Variants in MTFR2 observed in about 807,000 individuals in gnomAD.
MTFR2 encodes the protein DUF729 domain-containing protein 1.
A neutral mutation model predicts 41.2 loss-of-function variants in MTFR2; 44 were observed. The observed-to-expected ratio is 1.07, with a 90% CI of 0.84 to 1.37. The LOEUF (loss-of-function observed/expected upper bound fraction) is 1.37. MTFR2 is among the 40% of genes most tolerant of loss of function. The probability of loss-of-function intolerance (pLI) is 0.00; values close to 1 mark genes in which losing one functional copy is unlikely to be tolerated. For synonymous variants in MTFR2, 141 were observed against 154.6 expected, an observed-to-expected ratio of 0.91 and a Z score of 0.65; for missense variants, 452 against 459.5, an observed-to-expected ratio of 0.98 and a Z score of 0.15.
chr6:136,242,773 CA>C (rs1303407639), intron 4 of MTFR2, 87 bp downstream of exon 4: 60 of 981,336 alleles, frequency 6.1e-5, no homozygotes, highest in Non-Finnish European at 8.2e-5. Context: ...ATAAACAAAA[CA>C]AAAAAGCTCA....
At chr6:136,237,639 G>GTC (rs143217398) in intron 6 of MTFR2, among the ~76,000 whole-genome samples, 7,912 of 151,930 alleles carry the variant, frequency 0.052, 682 homozygotes, top group African/African-American at 0.18. Flanking sequence ...GTGAAACCCT[G>GTC]TCTCTACTAA....
chr6:136,242,197 A>C, intron 4 of MTFR2, among the ~76,000 whole-genome samples: 1 of 152,172 alleles, frequency 6.6e-6, no homozygotes, highest in East Asian at 1.9e-4. Context: ...CAATATAAAC[A>C]GAACATAGCC....
intron 3 of MTFR2, among the ~76,000 whole-genome samples, chr6:136,243,889 GC>G (rs918876569): frequency 1.3e-5 from 2 of 151,992 alleles, no homozygotes; most frequent in African/African-American, 4.8e-5. Context: ...TGATGATTCT[GC>G]CCTGGGTAGG....
intron 3 of MTFR2, 139 bp downstream of exon 3, chr6:136,244,626 T>C (rs1468308366): frequency 1.6e-6 from 1 of 621,170 alleles, no homozygotes; most frequent in African/African-American, 1.9e-5. Flanking sequence ...ATATATGAAA[T>C]GGCTTGTTCC....
intron 5 of MTFR2, among the ~76,000 whole-genome samples, chr6:136,240,844 C>A (rs1269313105): frequency 1.3e-5 from 2 of 152,216 alleles, no homozygotes; most frequent in Non-Finnish European, 2.9e-5. Context: ...GTAATCCCAG[C>A]ACTTTGGGAG....
At chr6:136,234,572 G>A (rs902428771) in intron 6 of MTFR2, among the ~76,000 whole-genome samples, 2 of 152,164 alleles carry the variant, frequency 1.3e-5, no homozygotes, top group Admixed American at 6.5e-5. Context: ...GGAGCTCAGC[G>A]AGAGAAGTGA....
At chr6:136,241,738 ACT>A in intron 4 of MTFR2, 62 bp from the exon 5 acceptor site, 1 of 1,200,576 alleles carries the variant, frequency 8.3e-7, no homozygotes. Flanking sequence ...AGAGGTATAA[ACT>A]CTTACACTCC....
Position 136,249,152 on chromosome 6 carries a change from G to T in MTFR2, c.-53C>A. 1 of 1,460,648 alleles carries T rather than the reference G, an allele frequency of 6.8e-7. No individual in the cohort carries two copies. 90.5% of individuals were successfully genotyped at this position (1,460,648 alleles called of 1,614,324 possible). ...AAAGGAACATTATCAGTTTCTTGGTGCCTTTGGGGAAAATTTTAGAAAATG... is the reference window on the plus strand; with the variant it reads ...AAAGGAACATTATCAGTTTCTTGGTTCCTTTGGGGAAAATTTTAGAAAATG... On this transcript the variant is annotated splice_region_variant and 5_prime_UTR_variant, in exon 2 of 8. Transcript: ENST00000420702.
In MTFR2 at chr6:136,239,688, G is replaced by C; in HGVS notation, c.647C>G (p.Pro216Arg). The C allele has an allele frequency of 2.5e-6, 4 of 1,614,010 alleles. No individual in the cohort carries two copies. The South Asian group carries it at 4.4e-5, about 18-fold the overall frequency. Residue 216 changes from proline to arginine, a missense_variant, in exon 6 of 8, where the codon CCT becomes CGT. Physicochemically the swap from Pro to Arg is moderately radical, Grantham distance 103. Transcript: ENST00000420702. ...CGGTGGCTGGAGAGATGAAAACTGA[G>C]GAGGAAGTGGTGGAGGAGGAGGAGG... is the stretch of plus-strand genomic sequence containing the variant. ...LSPPPPPPLPPQFSSLQPPCF... is the reference protein window; with the variant it reads ...LSPPPPPPLPRQFSSLQPPCF...
At chr6:136,238,976 G>A (rs1377564473) in intron 6 of MTFR2, among the ~76,000 whole-genome samples, 1 of 152,184 alleles carries the variant, frequency 6.6e-6, no homozygotes, top group Non-Finnish European at 1.5e-5. Context: ...GCTGAGGTGG[G>A]AGGATCACTT....
At chr6:136,236,925 A>T (rs1779922167) in intron 6 of MTFR2, among the ~76,000 whole-genome samples, 1 of 152,234 alleles carries the variant, frequency 6.6e-6, no homozygotes, top group Non-Finnish European at 1.5e-5. Flanking sequence ...CAAAGAGATT[A>T]GAAGGGGAGA....
intron 5 of MTFR2, among the ~76,000 whole-genome samples, chr6:136,240,838 T>C (rs538574641): frequency 5.3e-5 from 8 of 152,212 alleles, no homozygotes; most frequent in Non-Finnish European, 7.3e-5. Context: ...ACGCCTGTAA[T>C]CCCAGCACTT....
rs1780000946 is a variant in MTFR2 at position 136,239,716 on chromosome 6, A to G, written c.619T>C (p.Ser207Pro). 6.2e-7 allele frequency: 1 copy of G among 1,613,952 alleles called. No homozygotes were observed. Among genetic ancestry groups the G allele is most frequent in the Non-Finnish European group, 8.5e-7 (1 of 1,179,960 alleles). ...DPDQLPGSVLSPPPPPPLPPQ... is the reference protein window; with the variant it reads ...DPDQLPGSVLPPPPPPPLPPQ... Reference sequence around the variant, plus strand: ...GGAAGTGGTGGAGGAGGAGGAGGAGAAAGCACTGAACCTGGAAGCTGATCT... The same window carrying G: ...GGAAGTGGTGGAGGAGGAGGAGGAGGAAGCACTGAACCTGGAAGCTGATCT... The change falls in exon 6 of 8, where the codon TCT becomes CCT. Residue 207 changes from serine to proline, a missense_variant. Transcript: ENST00000420702.
chr6:136,234,906 T>C (rs942185721), intron 6 of MTFR2, among the ~76,000 whole-genome samples: 1 of 152,252 alleles, frequency 6.6e-6, no homozygotes, highest in African/African-American at 2.4e-5. Context: ...ATATTTGTTT[T>C]TGTTTTTTTG....
At chr6:136,240,357 GTATAAA>G (rs1257926822) in intron 5 of MTFR2, among the ~76,000 whole-genome samples, 2 of 151,360 alleles carry the variant, frequency 1.3e-5, no homozygotes, top group East Asian at 1.9e-4. Flanking sequence ...TATTTATTAT[GTATAAA>G]TATAAGTTAT....
intron 6 of MTFR2, among the ~76,000 whole-genome samples, chr6:136,238,549 G>T (rs1779965368): frequency 6.6e-6 from 1 of 152,154 alleles, no homozygotes; most frequent in African/African-American, 2.4e-5. Context: ...TTACTGTTCA[G>T]TGAGTATAAA....
intron 4 of MTFR2, among the ~76,000 whole-genome samples, 160 bp downstream of exon 4, chr6:136,242,701 A>C (rs1223559941): frequency 6.6e-6 from 1 of 152,228 alleles, no homozygotes; most frequent in East Asian, 1.9e-4. Context: ...CTGGCTAAAA[A>C]AATGAAAAGC....
rs551769960 is a variant in MTFR2 at position 136,247,843 on chromosome 6, G to A, written c.63+1194C>T. ...ACATCTAATGACATTTGCCATTATC[G>A]AAGTCCATGGCTTTAAATATCAAAA... On this transcript the variant is annotated intron_variant, in intron 2 of 7. Transcript: ENST00000420702. Among the ~76,000 whole-genome samples the A allele has an allele frequency of 5.9e-5, 9 of 152,114 alleles. No homozygotes were observed. In the South Asian group the frequency reaches 6.2e-4, roughly 11 times the overall value.
At chr6:136,247,653 G>T (rs1780247908) in intron 2 of MTFR2, 1 of 421,158 alleles carries the variant, frequency 2.4e-6, no homozygotes, top group African/African-American at 2.1e-5. Context: ...TCAAAAGAAG[G>T]TTGCTGATCC....
Sources: gnomAD v4.1 joint callset for allele counts (sites outside exome capture counted in the v4.1 genomes callset) on GRCh38, gnomAD v4.1.1 for gene constraint, MANE v1.5 for transcripts, NCBI Gene and HGNC (gene_info 2026-07-23, HGNC 2026-07-21) for gene names.